The following GALNT17 variants were observed in gnomAD, a reference collection of about 807,000 sequenced individuals.
GALNT17 encodes the protein polypeptide N-acetylgalactosaminyltransferase 17.
GALNT17 carries 29 observed loss-of-function variants against 63.7 expected under a neutral mutation model. That is an observed-to-expected ratio of 0.46 (90% CI 0.34 to 0.62). The LOEUF (loss-of-function observed/expected upper bound fraction) is 0.62. Ranked by LOEUF, GALNT17 falls within the 20% of genes least tolerant of loss-of-function variation. The probability of loss-of-function intolerance (pLI) is 0.01; values close to 1 mark genes in which losing one functional copy is unlikely to be tolerated. For synonymous variants in GALNT17, 305 were observed against 318.3 expected (o/e 0.96, Z 0.45); for missense variants, 603 against 799.6 (o/e 0.75, Z 2.97).
At chr7:71,687,005 G>C (rs1791370130) in intron 9 of GALNT17, among the ~76,000 whole-genome samples, 1 of 152,136 alleles carries the variant, frequency 6.6e-6, no homozygotes, top group Non-Finnish European at 1.5e-5. Context: ...AGTCCCTCTT[G>C]GAAGGTGTCA....
At chr7:71,307,562 A>T (rs1791329141) in intron 1 of GALNT17, 1 of 151,916 alleles carries the variant, frequency 6.6e-6, no homozygotes, top group Admixed American at 6.6e-5. Context: ...GAGAGCAGAG[A>T]GTGGATGCAA....
chr7:71,345,799 G>A (rs989525332), intron 2 of GALNT17, among the ~76,000 whole-genome samples: 1 of 152,040 alleles, frequency 6.6e-6, no homozygotes, highest in Non-Finnish European at 1.5e-5. Context: ...AGCTGCAGTG[G>A]AGCTTTTTTT....
chr7:71,436,028 G>GAA (rs71089944), intron 5 of GALNT17, among the ~76,000 whole-genome samples: 1,764 of 137,268 alleles, frequency 0.013, 21 homozygotes, highest in Middle Eastern at 0.041. Context: ...TCAAAAAAAA[G>GAA]AAAAAAAAAA....
rs6976715 is a variant in GALNT17 at position 71,479,773 on chromosome 7, A to T, written c.962+58668A>T. 5.2e-3 allele frequency among the ~76,000 whole-genome samples: 787 copies of T among 152,278 alleles called. 8 individuals carry two copies. Among genetic ancestry groups the T allele is most frequent in the African/African-American group, 0.018 (751 of 41,560 alleles). On this transcript the variant is annotated intron_variant, in intron 5 of 10. Transcript: ENST00000333538. ...CTTGAAAACCAGCTGATGGTGTCTG[A>T]GTCAAAGATGGAGCTGATATTCTCA...
Position 71,262,739 on chromosome 7 carries a change from C to T in GALNT17, c.239-72811C>T, listed in dbSNP as rs182342616. On this transcript the variant is annotated intron_variant, in intron 1 of 10. Transcript: ENST00000333538. ...TCTGTCACCCAGGCTGGAGTGCAGT[C>T]GCGTGATCTTGGCTCACTGCAACCT... Among the ~76,000 whole-genome samples the T allele has an allele frequency of 1.2e-4, 17 of 136,896 alleles. No individual in the cohort carries two copies. In the East Asian group the frequency reaches 1.5e-3, roughly 12 times the overall value. 89.8% of individuals were successfully genotyped at this position (136,896 alleles called of 152,430 possible).
At chr7:71,468,428 T>C (rs1787573140) in intron 5 of GALNT17, among the ~76,000 whole-genome samples, 1 of 151,174 alleles carries the variant, frequency 6.6e-6, no homozygotes, top group Non-Finnish European at 1.5e-5. Context: ...ATTATTTTTT[T>C]TAATTGGAGA....
At chr7:71,177,354 A>ATCCC (rs1788658823) in intron 1 of GALNT17, among the ~76,000 whole-genome samples, 2 of 152,070 alleles carry the variant, frequency 1.3e-5, no homozygotes, top group South Asian at 4.2e-4. Flanking sequence ...ATCCCACTCT[A>ATCCC]TCCCTCACTC....
intron 5 of GALNT17, among the ~76,000 whole-genome samples, chr7:71,547,717 G>A (rs1044050499): frequency 1.3e-5 from 2 of 152,150 alleles, no homozygotes; most frequent in Non-Finnish European, 2.9e-5. Context: ...GATAGAGGAA[G>A]CACAATAAAA....
intron 5 of GALNT17, among the ~76,000 whole-genome samples, chr7:71,523,244 G>A (rs755760008): frequency 5.9e-5 from 9 of 152,120 alleles, no homozygotes; most frequent in Non-Finnish European, 1.2e-4. Context: ...GGGCAACATA[G>A]CAAGACCCCA....
intron 6 of GALNT17, among the ~76,000 whole-genome samples, chr7:71,646,864 A>G (rs1419927145): frequency 6.7e-6 from 1 of 148,246 alleles, no homozygotes. Context: ...CTCCTGCCTC[A>G]CCCTCCTGAG....
intron 1 of GALNT17, among the ~76,000 whole-genome samples, chr7:71,170,311 T>C (rs73361771): frequency 0.015 from 2,211 of 152,202 alleles, 56 homozygotes; most frequent in African/African-American, 0.05. Context: ...GTTTAAAAGT[T>C]GAAGCTTTAT....
At chr7:71,591,171 C>T (rs1396509315) in intron 6 of GALNT17, among the ~76,000 whole-genome samples, 1 of 152,138 alleles carries the variant, frequency 6.6e-6, no homozygotes, top group Non-Finnish European at 1.5e-5. Flanking sequence ...ATTCTCCTGC[C>T]TCAGGCTTCT....
intron 5 of GALNT17, among the ~76,000 whole-genome samples, chr7:71,529,631 A>G (rs1235210313): frequency 6.6e-6 from 1 of 152,228 alleles, no homozygotes; most frequent in Non-Finnish European, 1.5e-5. Context: ...CAGACATATT[A>G]AGAGAGACGG....
intron 5 of GALNT17, among the ~76,000 whole-genome samples, chr7:71,448,398 CTT>C (rs537088791): frequency 7.9e-5 from 12 of 151,698 alleles, no homozygotes; most frequent in Non-Finnish European, 1.2e-4. Context: ...TTTTGGAACT[CTT>C]TTTGTTTTTG....
chr7:71,168,313 C>T (rs1019922253), intron 1 of GALNT17, among the ~76,000 whole-genome samples: 5 of 152,088 alleles, frequency 3.3e-5, no homozygotes, highest in Non-Finnish European at 7.3e-5. Context: ...GTGGCTCATG[C>T]CTGTAATCCC....
chr7:71,287,422 CT>C (rs1790894818), intron 1 of GALNT17, among the ~76,000 whole-genome samples: 1 of 152,082 alleles, frequency 6.6e-6, no homozygotes, highest in South Asian at 2.1e-4. Flanking sequence ...TTAAGAAACA[CT>C]TTTATCTACT....
At chr7:71,248,567 A>C (rs934148188) in intron 1 of GALNT17, among the ~76,000 whole-genome samples, 2 of 152,184 alleles carry the variant, frequency 1.3e-5, no homozygotes, top group Non-Finnish European at 2.9e-5. Context: ...ATGTGGTGAA[A>C]ATAGGAATGA....
chr7:71,644,096 T>C (rs1479076247), intron 6 of GALNT17, among the ~76,000 whole-genome samples: 1 of 152,010 alleles, frequency 6.6e-6, no homozygotes, highest in Admixed American at 6.6e-5. Flanking sequence ...AAGAATAGGG[T>C]TCCTGTGTGC....
chr7:71,444,973 T>C (rs1310057668), intron 5 of GALNT17, among the ~76,000 whole-genome samples: 1 of 152,056 alleles, frequency 6.6e-6, no homozygotes, highest in Non-Finnish European at 1.5e-5. Context: ...GCACTGGGAA[T>C]ATTCTCCAAA....
Sources: gnomAD v4.1 joint callset for allele counts (sites outside exome capture counted in the v4.1 genomes callset) on GRCh38, gnomAD v4.1.1 for gene constraint, MANE v1.5 for transcripts, NCBI Gene and HGNC (gene_info 2026-07-23, HGNC 2026-07-21) for gene names.